The following SPATS2 variants were observed in gnomAD, a reference collection of about 807,000 sequenced individuals.
The protein encoded by SPATS2 is spermatogenesis-associated serine-rich protein 2.
SPATS2 carries 38 observed loss-of-function variants against 63.7 expected under a neutral mutation model. The ratio of observed to expected loss-of-function variants is 0.60; its 90% CI spans 0.46 to 0.78. The LOEUF (loss-of-function observed/expected upper bound fraction) is 0.78, where lower values mean the gene tolerates loss of function less well. SPATS2 is among the 30% of genes least tolerant of loss of function. The pLI, the probability that SPATS2 is intolerant of heterozygous loss-of-function variation, is 0.00. For missense variants in SPATS2, 588 were observed against 666.2 expected (o/e 0.88, Z 1.29); for synonymous variants, 207 against 232.9 (o/e 0.89, Z 1.01).
chr12:49,431,903 G>T (rs562381776), intron 2 of SPATS2, among the ~76,000 whole-genome samples: 1 of 152,252 alleles, frequency 6.6e-6, no homozygotes, highest in Admixed American at 6.5e-5. Context: ...GTGGTAGTGT[G>T]CACCTGTAGT....
intron 2 of SPATS2, among the ~76,000 whole-genome samples, chr12:49,379,853 C>G (rs944438220): frequency 6.6e-6 from 1 of 152,042 alleles, no homozygotes; most frequent in African/African-American, 2.4e-5. Flanking sequence ...AAACTCCTGA[C>G]CTCAGGTGAT....
intron 2 of SPATS2, among the ~76,000 whole-genome samples, chr12:49,449,196 C>G (rs1945571582): frequency 6.6e-6 from 1 of 152,052 alleles, no homozygotes; most frequent in Admixed American, 6.6e-5. Context: ...TACTGATTTT[C>G]TGTCTGTTTT....
At chr12:49,518,023 A>G (rs1181874912) in intron 10 of SPATS2, among the ~76,000 whole-genome samples, 2 of 152,190 alleles carry the variant, frequency 1.3e-5, no homozygotes, top group Non-Finnish European at 2.9e-5. Flanking sequence ...CCAAAGTCTC[A>G]TCTAGTTAGT....
At chr12:49,512,034 A>G (rs1946761953) in intron 9 of SPATS2, among the ~76,000 whole-genome samples, 1 of 152,234 alleles carries the variant, frequency 6.6e-6, no homozygotes, top group Admixed American at 6.5e-5. Flanking sequence ...AGCATAAATA[A>G]CCTAAAAATA....
At position 49,525,980 on chromosome 12, in the gene SPATS2, A is replaced by G. The variant is rs1479909158; in HGVS notation, c.1363A>G (p.Arg455Gly). The G allele has an allele frequency of 6.2e-7, 1 of 1,614,276 alleles. No homozygotes were observed. Among genetic ancestry groups the G allele is most frequent in the Admixed American group, 1.7e-5 (1 of 60,032 alleles). The change falls in exon 14 of 14, where the codon AGG becomes GGG. Residue 455 changes from arginine to glycine, a missense_variant. Physicochemically the swap from Arg to Gly is moderately radical, Grantham distance 125. Transcript: ENST00000552918. Reference protein sequence around the residue: ...PGNRRGGQGYRPQGQKSNDPM... With the variant: ...PGNRRGGQGYGPQGQKSNDPM... ...GAACAGACGAGGAGGACAGGGCTAT[A>G]GGCCACAAGGCCAAAAGTCCAATGA...
chr12:49,520,356 G>A (rs1946919827), intron 11 of SPATS2, among the ~76,000 whole-genome samples: 1 of 152,122 alleles, frequency 6.6e-6, no homozygotes, highest in African/African-American at 2.4e-5. Flanking sequence ...GACCTCAGGT[G>A]ATCTACCCGC....
At chr12:49,459,403 C>G (rs1565732635) in intron 2 of SPATS2, among the ~76,000 whole-genome samples, 1 of 151,950 alleles carries the variant, frequency 6.6e-6, no homozygotes, top group Non-Finnish European at 1.5e-5. Flanking sequence ...GGCTGGAGTG[C>G]AATGGTGCGA....
At chr12:49,496,016 CTT>C (rs1371527056) in intron 7 of SPATS2, among the ~76,000 whole-genome samples, 7 of 152,112 alleles carry the variant, frequency 4.6e-5, no homozygotes, top group Non-Finnish European at 7.4e-5. Flanking sequence ...TAAAACATTA[CTT>C]GTTAATCCAG....
chr12:49,496,906 A>G lies in SPATS2; in HGVS notation c.600A>G (p.Gln200=), dbSNP rs754948056. ...CTATGCACTCTATTCACAATTCTCAACAACCCAGGAATGCTGCCAAATCTC... is the reference window on the plus strand; with the variant it reads ...CTATGCACTCTATTCACAATTCTCAGCAACCCAGGAATGCTGCCAAATCTC... ...SLTMHSIHNS[Q]QPRNAAKSLS... is the part of the protein sequence containing the mutation. Residue 200 remains glutamine (Q), a synonymous_variant, in exon 8 of 14, where the codon CAA becomes CAG. Transcript: ENST00000552918. The G allele has an allele frequency of 6.8e-6, 11 of 1,613,872 alleles. No homozygotes were observed. Among genetic ancestry groups the G allele is most frequent in the East Asian group, 2.2e-5 (1 of 44,860 alleles).
At chr12:49,499,391 G>GTTATTTTGTTTTGTTTTGTT (rs1555191368) in intron 8 of SPATS2, among the ~76,000 whole-genome samples, 1 of 146,444 alleles carries the variant, frequency 6.8e-6, no homozygotes, top group Non-Finnish European at 1.5e-5. Flanking sequence ...GTTCTGCCTG[G>GTTATTTTGTTTTGTTTTGTT]TTGTTTTGTT....
chr12:49,470,148 C>T (rs944357801), intron 3 of SPATS2, among the ~76,000 whole-genome samples: 2 of 151,972 alleles, frequency 1.3e-5, no homozygotes, highest in Admixed American at 1.3e-4. Context: ...TCTCCTGTCT[C>T]AGCCTCCCTA....
rs1180441590 is a variant in SPATS2 at position 49,526,226 on chromosome 12, A to C, written c.1609A>C (p.Thr537Pro). The change falls in exon 14 of 14, where the codon ACC (threonine) becomes CCC (proline). Residue 537 changes from threonine (T) to proline (P), a missense_variant. Transcript: ENST00000552918. ...GGGGCTCCCCCAGCGCAAACCCAGG[A>C]CCTCTCAGACTGAAGCCGTGAACTC... ...KKGLPQRKPR[T>P]SQTEAVNS The C allele has an allele frequency of 6.2e-7, 1 of 1,613,062 alleles. No individual in the cohort carries two copies. Among genetic ancestry groups the C allele is most frequent in the Admixed American group, 1.7e-5 (1 of 59,810 alleles).
At chr12:49,416,640 G>C (rs1944894573) in intron 2 of SPATS2, among the ~76,000 whole-genome samples, 1 of 151,872 alleles carries the variant, frequency 6.6e-6, no homozygotes, top group South Asian at 2.1e-4. Context: ...CCATGACCAC[G>C]CCCGACTAAT....
intron 2 of SPATS2, among the ~76,000 whole-genome samples, chr12:49,421,080 T>C (rs1944972483): frequency 1.3e-5 from 2 of 152,198 alleles, no homozygotes; most frequent in Admixed American, 1.3e-4. Context: ...GGAAAAATTG[T>C]TGCCCCTTAC....
chr12:49,424,511 C>T (rs1945038463), intron 2 of SPATS2, among the ~76,000 whole-genome samples: 1 of 152,042 alleles, frequency 6.6e-6, no homozygotes, highest in South Asian at 2.1e-4. Flanking sequence ...TTTGTTTTAT[C>T]TGTCTAGTAG....
chr12:49,490,094 C>T (rs1451889610), intron 5 of SPATS2: 4 of 153,264 alleles, frequency 2.6e-5, no homozygotes, highest in African/African-American at 9.6e-5. Flanking sequence ...ATGAACCTTC[C>T]TTCCATGTAA....
chr12:49,376,572 T>A (rs1458240154), intron 2 of SPATS2, among the ~76,000 whole-genome samples: 1 of 151,876 alleles, frequency 6.6e-6, no homozygotes, highest in East Asian at 1.9e-4. Flanking sequence ...AATTTTTAAA[T>A]TTTTTATAGA....
At chr12:49,520,146 A>T (rs1946916719) in intron 11 of SPATS2, among the ~76,000 whole-genome samples, 1 of 151,594 alleles carries the variant, frequency 6.6e-6, no homozygotes, top group African/African-American at 2.4e-5. Flanking sequence ...TGCCCAGCTA[A>T]TTTTTTTATT....
At chr12:49,469,338 C>T (rs190799525) in intron 3 of SPATS2, among the ~76,000 whole-genome samples, 231 of 139,234 alleles carry the variant, frequency 1.7e-3, no homozygotes, top group Admixed American at 2.9e-3. Context: ...TGCAGTGAGC[C>T]GAAATTGCGC....
Sources: gnomAD v4.1 joint callset for allele counts (sites outside exome capture counted in the v4.1 genomes callset) on GRCh38, gnomAD v4.1.1 for gene constraint, MANE v1.5 for transcripts, NCBI Gene and HGNC (gene_info 2026-07-23, HGNC 2026-07-21) for gene names.